LPA: variants seen among roughly 807,000 people sequenced by gnomAD.
LPA encodes the protein lipoprotein(a).
LPA carries 199 observed loss-of-function variants against 197.9 expected under a neutral mutation model. The observed-to-expected ratio is 1.01, with a 90% CI of 0.90 to 1.13. The LOEUF (loss-of-function observed/expected upper bound fraction) is 1.13. Among genes scored for constraint, LPA ranks in the 50% most tolerant of loss-of-function variants. The pLI is 0.00. For synonymous variants in LPA, 715 were observed against 639.5 expected (o/e 1.12, Z -1.78); for missense variants, 1,853 against 1,785.8 (o/e 1.04, Z -0.68).
intron 6 of LPA, 81 bp from the exon 7 acceptor site, chr6:160,635,385 A>T (rs1779796455): frequency 7.7e-6 from 5 of 647,610 alleles, no homozygotes; most frequent in African/African-American, 3.0e-5. Context: ...TTGTGCTGCA[A>T]CAAGGTCATT....
intron 28 of LPA, among the ~76,000 whole-genome samples, chr6:160,565,520 G>C (rs994004704): frequency 6.6e-6 from 1 of 152,170 alleles, no homozygotes; most frequent in Non-Finnish European, 1.5e-5. Flanking sequence ...AACCCCATCT[G>C]TACATCACCA....
At chr6:160,602,645 G>C (rs966408335) in intron 18 of LPA, among the ~76,000 whole-genome samples, 1 of 151,986 alleles carries the variant, frequency 6.6e-6, no homozygotes, top group African/African-American at 2.4e-5. Context: ...ATTTTCTTTG[G>C]GCAACATCTC....
chr6:160,532,165 T>G (rs1777817179), intron 38 of LPA, among the ~76,000 whole-genome samples: 1 of 151,992 alleles, frequency 6.6e-6, no homozygotes, highest in Non-Finnish European at 1.5e-5. Context: ...TAGACTGGGC[T>G]AGCCTGGACA....
chr6:160,581,077 A>T (rs539269003), intron 26 of LPA, among the ~76,000 whole-genome samples: 154 of 152,254 alleles, frequency 1.0e-3, no homozygotes, highest in Admixed American at 3.0e-3. Flanking sequence ...GAGCTATCTC[A>T]AATTAATTTA....
rs753180293 is a variant in LPA at position 160,577,136 on chromosome 6, G to A, written c.4631C>T (p.Ala1544Val). ...CTTATGGTTTTAATCAAATACATAC[G>A]CATTTGGGTAGTTTTCTGGGGTCCT... The part of the protein sequence containing the change: ...HQRTPENYPN[A>V]GLTENYCRNP... The change falls in exon 28 of 39, where the codon GCT becomes GTT. Residue 1544 changes from alanine (A) to valine (V), a missense_variant and splice_region_variant. This residue lies in a region of LPA where 1,737 missense variants were observed against 1,504.4 expected (regional missense o/e 1.15). Transcript: ENST00000316300. The A allele has an allele frequency of 2.9e-5, 46 of 1,613,104 alleles. No homozygotes were observed. Among genetic ancestry groups the A allele is most frequent in the Admixed American group, 5.0e-5 (3 of 59,966 alleles).
At chr6:160,542,157 C>T (rs1402157165) in intron 34 of LPA, among the ~76,000 whole-genome samples, 1 of 152,114 alleles carries the variant, frequency 6.6e-6, no homozygotes, top group Non-Finnish European at 1.5e-5. Context: ...TCTGTGGGTT[C>T]GGACTGATTA....
rs1242983344 is a variant in LPA, at chr6:160,593,975, T to C, written c.3612A>G (p.Thr1204=). Residue 1204 remains threonine, a synonymous_variant, in exon 22 of 39, where the codon ACA becomes ACG. Coordinates refer to ENST00000316300, the MANE Select transcript of LPA (RefSeq NM_005577.4). ...GGTTGTACCCATTTGGATAATATTCTGTTGTCCTCTGATGCCAGTGTGGTG... is the reference window on the plus strand; with the variant it reads ...GGTTGTACCCATTTGGATAATATTCCGTTGTCCTCTGATGCCAGTGTGGTG... ...SMTPHWHQRT[T]EYYPNGGLTR... 1 of 1,613,944 alleles carries C rather than the reference T, an allele frequency of 6.2e-7. No homozygotes were observed. Among genetic ancestry groups the C allele is most frequent in the African/African-American group, 1.3e-5 (1 of 75,048 alleles).
At chr6:160,557,709 A>C (rs983504144) in intron 28 of LPA, 138 bp from the exon 29 acceptor site, 1 of 689,070 alleles carries the variant, frequency 1.5e-6, no homozygotes, top group Non-Finnish European at 2.5e-6. Flanking sequence ...TAATATTCCG[A>C]AAAGCAAAAA....
chr6:160,652,799 G>T (rs1780030230), intron 1 of LPA, among the ~76,000 whole-genome samples: 1 of 152,060 alleles, frequency 6.6e-6, no homozygotes, highest in Admixed American at 6.6e-5. Context: ...GAAGTGCAAT[G>T]ATGTAAGATT....
At chr6:160,654,512 T>C (rs1045124023) in intron 1 of LPA, among the ~76,000 whole-genome samples, 1 of 152,026 alleles carries the variant, frequency 6.6e-6, no homozygotes, top group African/African-American at 2.4e-5. Context: ...CCATCACAAG[T>C]CCAACTCCTT....
intron 22 of LPA, 82 bp from the exon 23 acceptor site, chr6:160,591,183 C>T: frequency 6.4e-7 from 1 of 1,561,444 alleles, no homozygotes; most frequent in Non-Finnish European, 8.8e-7. Context: ...TTTGTTGTAA[C>T]AAAGTGGTAA....
intron 28 of LPA, among the ~76,000 whole-genome samples, chr6:160,558,512 A>C (rs1003223964): frequency 6.6e-6 from 1 of 152,152 alleles, no homozygotes; most frequent in Admixed American, 6.5e-5. Flanking sequence ...GCCCTAAAAA[A>C]CTAGCTCCCA....
intron 24 of LPA, among the ~76,000 whole-genome samples, chr6:160,588,385 TC>T (rs1778957507): frequency 6.6e-6 from 1 of 152,072 alleles, no homozygotes; most frequent in African/African-American, 2.4e-5. Flanking sequence ...ATGATCCCAA[TC>T]CCAAAATACA....
intron 1 of LPA, among the ~76,000 whole-genome samples, chr6:160,652,084 C>A (rs1359503002): frequency 7.0e-6 from 1 of 143,468 alleles, no homozygotes; most frequent in Admixed American, 6.9e-5. Flanking sequence ...CATTTGAATA[C>A]TTACAGTCCA....
At position 160,604,281 on chromosome 6, in the gene LPA, A is replaced by G. The variant is rs755107195; in HGVS notation, c.2945+765T>C. ...GCTCTTCAGTGCAAGAAGGGCCTCC[A>G]GGAAGAAAGCCAAGGTATCTATGGA... On this transcript the variant is annotated intron_variant, in intron 18 of 38. Coordinates refer to ENST00000316300, the MANE Select transcript of LPA (RefSeq NM_005577.4). 1.0e-3 allele frequency among the ~76,000 whole-genome samples: 153 copies of G among 152,342 alleles called. 2 individuals are homozygous for G. The Middle Eastern group carries it at 0.014, about 14-fold the overall frequency.
intron 16 of LPA, among the ~76,000 whole-genome samples, chr6:160,610,376 T>G (rs559471688): frequency 2.0e-5 from 3 of 152,164 alleles, no homozygotes; most frequent in African/African-American, 4.8e-5. Flanking sequence ...AATATACTAA[T>G]TGTACTTTGA....
At chr6:160,591,702 G>A (rs995684721) in intron 22 of LPA, among the ~76,000 whole-genome samples, 1 of 152,084 alleles carries the variant, frequency 6.6e-6, no homozygotes, top group Non-Finnish European at 1.5e-5. Context: ...CTCCCTCCTT[G>A]GTCTGTCATC....
chr6:160,541,077 G>T, intron 35 of LPA, 30 bp downstream of exon 35: 1 of 1,594,330 alleles, frequency 6.3e-7, no homozygotes, highest in Non-Finnish European at 8.6e-7. Context: ...TTGAAGATAA[G>T]ACCCCATGTC....
At chr6:160,553,954 T>TGTGTGTGTGTGTGTGTGCGCGCGC (rs771903485) in intron 30 of LPA, among the ~76,000 whole-genome samples, 5 of 130,746 alleles carry the variant, frequency 3.8e-5, no homozygotes, top group Non-Finnish European at 8.1e-5. Context: ...TGTGTGTGTG[T>TGTGTGTGTGTGTGTGTGCGCGCGC]GCGCGCGCGC....
Sources: allele counts gnomAD v4.1 joint callset (sites outside exome capture counted in the v4.1 genomes callset), GRCh38; gene constraint gnomAD v4.1.1; regional missense constraint gnomAD v4.1.1; transcripts MANE v1.5; gene names NCBI Gene and HGNC (gene_info 2026-07-23, HGNC 2026-07-21).